The following CNOT6 variants were observed in gnomAD, a reference collection of about 807,000 sequenced individuals.
The protein encoded by CNOT6 is CCR4-NOT transcription complex subunit 6.
Under a neutral mutation model 61.2 loss-of-function variants are expected in CNOT6, and 12 were observed. The observed-to-expected ratio is 0.20, with a 90% CI of 0.13 to 0.32. The LOEUF (loss-of-function observed/expected upper bound fraction) is 0.32, where lower values mean the gene tolerates loss of function less well. Among genes scored for constraint, CNOT6 ranks in the 10% least tolerant of loss-of-function variants. CNOT6 has a pLI of 1.00. For synonymous variants in CNOT6, 225 were observed against 240.6 expected, an observed-to-expected ratio of 0.94 and a Z score of 0.60; for missense variants, 405 against 663.9, an observed-to-expected ratio of 0.61 and a Z score of 4.28.
intron 2 of CNOT6, among the ~76,000 whole-genome samples, chr5:180,530,796 C>T (rs1221557047): frequency 6.6e-6 from 1 of 152,180 alleles, no homozygotes; most frequent in African/African-American, 2.4e-5. Context: ...CTTCAAGCAT[C>T]TGTTTAACAA....
chr5:180,572,480 G>T (rs182196439), intron 11 of CNOT6, among the ~76,000 whole-genome samples: 3 of 150,968 alleles, frequency 2.0e-5, no homozygotes, highest in Non-Finnish European at 3.0e-5. Context: ...ATGAGCCACC[G>T]CACCTGGTCA....
In CNOT6 at chr5:180,502,660, C is replaced by T. The variant is rs190312746; in HGVS notation, c.-3+7897C>T. 2.7e-5 allele frequency among the ~76,000 whole-genome samples: 4 copies of T among 147,336 alleles called. No individual in the cohort carries two copies. The East Asian group carries it at 7.8e-4, about 29-fold the overall frequency. The stretch of plus-strand genomic sequence containing the variant: ...GCCAGTGGCTCTGTGTATCCAAATA[C>T]AGAGTATTACAGGTGATTAGGTGCA... On this transcript the variant is annotated intron_variant, in intron 1 of 11. Coordinates refer to ENST00000261951, the MANE Select transcript of CNOT6 (RefSeq NM_001370472.1).
At chr5:180,505,584 G>A (rs1360031355) in intron 1 of CNOT6, among the ~76,000 whole-genome samples, 1 of 125,944 alleles carries the variant, frequency 7.9e-6, no homozygotes. Context: ...GTCTGGCTCT[G>A]TCGCCCAGTC....
intron 2 of CNOT6, among the ~76,000 whole-genome samples, chr5:180,543,753 T>C (rs1174850182): frequency 6.6e-6 from 1 of 152,208 alleles, no homozygotes; most frequent in African/African-American, 2.4e-5. Flanking sequence ...GATATTAGTC[T>C]TTTTTATTTT....
At chr5:180,550,936 C>T (rs1437368975) in intron 3 of CNOT6, among the ~76,000 whole-genome samples, 1 of 152,014 alleles carries the variant, frequency 6.6e-6, no homozygotes, top group Non-Finnish European at 1.5e-5. Context: ...CTTAACTTTG[C>T]CATTTATGAG....
chr5:180,567,000 T>G, intron 7 of CNOT6, 88 bp from the exon 8 acceptor site: 1 of 1,256,448 alleles, frequency 8.0e-7, no homozygotes, highest in Non-Finnish European at 1.1e-6. Flanking sequence ...CCTTTGAAAT[T>G]ATTTCAAGCT....
chr5:180,530,390 A>G (rs933609364), intron 2 of CNOT6, among the ~76,000 whole-genome samples: 1 of 152,196 alleles, frequency 6.6e-6, no homozygotes, highest in African/African-American at 2.4e-5. Context: ...AAATCTAGGT[A>G]TAAAAGTGCT....
intron 10 of CNOT6, among the ~76,000 whole-genome samples, chr5:180,570,096 G>A (rs1322651406): frequency 6.6e-6 from 1 of 152,070 alleles, no homozygotes; most frequent in Non-Finnish European, 1.5e-5. Flanking sequence ...CGTGGCTCAC[G>A]CCCGTAATCC....
intron 1 of CNOT6, among the ~76,000 whole-genome samples, chr5:180,515,244 C>A (rs996312252): frequency 4.0e-5 from 6 of 150,096 alleles, no homozygotes; most frequent in Non-Finnish European, 7.4e-5. Context: ...ATAGTGATGC[C>A]TCCCATCTCT....
intron 2 of CNOT6, among the ~76,000 whole-genome samples, chr5:180,541,511 G>C (rs1214312578): frequency 7.4e-6 from 1 of 135,568 alleles, no homozygotes; most frequent in African/African-American, 2.8e-5. Flanking sequence ...GAGTGCAGTG[G>C]TGCAATCTTG....
chr5:180,512,233 G>T (rs1397492990), intron 1 of CNOT6, among the ~76,000 whole-genome samples: 1 of 152,198 alleles, frequency 6.6e-6, no homozygotes, highest in Non-Finnish European at 1.5e-5. Flanking sequence ...AAAACAGCTT[G>T]TGAGCAGACC....
chr5:180,502,997 A>G (rs1424172746), intron 1 of CNOT6, among the ~76,000 whole-genome samples: 1 of 152,184 alleles, frequency 6.6e-6, no homozygotes, highest in East Asian at 1.9e-4. Context: ...AGACTAAAGA[A>G]TTGTCATTTG....
chr5:180,519,747 G>A (rs1394227681), intron 1 of CNOT6, among the ~76,000 whole-genome samples: 1 of 145,342 alleles, frequency 6.9e-6, no homozygotes, highest in African/African-American at 2.5e-5. Context: ...TCATATTTGT[G>A]TGTATCAGTT....
At chr5:180,500,441 CTTT>C (rs35457190) in intron 1 of CNOT6, among the ~76,000 whole-genome samples, 36 of 126,604 alleles carry the variant, frequency 2.8e-4, no homozygotes, top group Non-Finnish European at 2.6e-4. Context: ...CTTTTCTTTT[CTTT>C]TTTTTTTTTT....
At chr5:180,501,118 A>T (rs1471252817) in intron 1 of CNOT6, among the ~76,000 whole-genome samples, 1 of 152,068 alleles carries the variant, frequency 6.6e-6, no homozygotes, top group African/African-American at 2.4e-5. Context: ...ATCCAGTGAG[A>T]GTTTAGGTGG....
chr5:180,577,350 C>G lies in CNOT6; in HGVS notation c.*3150C>G, dbSNP rs994128334. 1 of 152,548 alleles carries G rather than the reference C, an allele frequency of 6.6e-6. No individual in the cohort carries two copies. Among genetic ancestry groups the G allele is most frequent in the Non-Finnish European group, 1.5e-5 (1 of 68,030 alleles). 9.4% of individuals were successfully genotyped at this position (152,548 alleles called of 1,614,324 possible). ...GATTCAGGTTCTCAATAATAATATT[C>G]AAGTTTTAGAGTTTCACTTTGTACT... is the stretch of plus-strand genomic sequence containing the variant. On this transcript the variant is annotated 3_prime_UTR_variant, in exon 12 of 12. Coordinates refer to ENST00000261951, the MANE Select transcript of CNOT6 (RefSeq NM_001370472.1).
chr5:180,538,295 T>A (rs1758822309), intron 2 of CNOT6, among the ~76,000 whole-genome samples: 1 of 151,540 alleles, frequency 6.6e-6, no homozygotes, highest in Non-Finnish European at 1.5e-5. Context: ...TGCCTGGGCC[T>A]CCCAGAGTGC....
chr5:180,505,801 G>T (rs1235212325), intron 1 of CNOT6, among the ~76,000 whole-genome samples: 1 of 152,124 alleles, frequency 6.6e-6, no homozygotes, highest in Non-Finnish European at 1.5e-5. Context: ...GCCTGCCTTG[G>T]CCTCCCAAAG....
At chr5:180,537,998 C>G (rs536070795) in intron 2 of CNOT6, among the ~76,000 whole-genome samples, 1 of 149,898 alleles carries the variant, frequency 6.7e-6, no homozygotes, top group Non-Finnish European at 1.5e-5. Context: ...GTAGATTATA[C>G]AGTAGACCAG....
Sources: allele counts gnomAD v4.1 joint callset (sites outside exome capture counted in the v4.1 genomes callset), GRCh38; gene constraint gnomAD v4.1.1; transcripts MANE v1.5; gene names NCBI Gene and HGNC (gene_info 2026-07-23, HGNC 2026-07-21).